The following SYT1 variants were observed in gnomAD, a reference collection of about 807,000 sequenced individuals.
SYT1 encodes the protein synaptotagmin-1.
SYT1 carries 8 observed loss-of-function variants against 44.8 expected under a neutral mutation model. The ratio of observed to expected loss-of-function variants is 0.18; its 90% CI spans 0.10 to 0.32. The LOEUF (loss-of-function observed/expected upper bound fraction) is 0.32, where lower values mean the gene tolerates loss of function less well. SYT1 is among the 10% of genes least tolerant of loss of function. SYT1 has a pLI of 1.00. For synonymous variants in SYT1, 154 were observed against 188.8 expected (o/e 0.82, Z 1.51); for missense variants, 286 against 509.3 (o/e 0.56, Z 4.22).
intron 9 of SYT1, among the ~76,000 whole-genome samples, chr12:79,440,289 C>T (rs1249936154): frequency 6.6e-6 from 1 of 152,166 alleles, no homozygotes; most frequent in Non-Finnish European, 1.5e-5. Flanking sequence ...TGTCCCATGT[C>T]TTGCATCTAT....
intron 9 of SYT1, among the ~76,000 whole-genome samples, chr12:79,366,170 G>A (rs1883535012): frequency 6.6e-6 from 1 of 152,154 alleles, no homozygotes; most frequent in African/African-American, 2.4e-5. Context: ...AATGAAACTA[G>A]CCTAAAGGGC....
intron 10 of SYT1, among the ~76,000 whole-genome samples, chr12:79,446,393 T>A (rs1280090020): frequency 6.6e-6 from 1 of 152,110 alleles, no homozygotes; most frequent in East Asian, 1.9e-4. Flanking sequence ...AATAGAACTT[T>A]GTGATGATTG....
At chr12:78,997,592 C>CT (rs1870461963) in intron 2 of SYT1, among the ~76,000 whole-genome samples, 1 of 151,916 alleles carries the variant, frequency 6.6e-6, no homozygotes, top group Admixed American at 6.6e-5. Context: ...CTGAGGGTAT[C>CT]TTCTGCCCTC....
At chr12:79,231,626 A>T (rs1364074824) in intron 4 of SYT1, among the ~76,000 whole-genome samples, 1 of 152,228 alleles carries the variant, frequency 6.6e-6, no homozygotes, top group Non-Finnish European at 1.5e-5. Flanking sequence ...ACAATAAACT[A>T]TAATTGATTT....
At chr12:78,887,155 A>G (rs1057443076) in intron 1 of SYT1, among the ~76,000 whole-genome samples, 2 of 151,966 alleles carry the variant, frequency 1.3e-5, no homozygotes, top group African/African-American at 4.8e-5. Flanking sequence ...TTTAAAATGC[A>G]TGTTGTTTTG....
intron 4 of SYT1, among the ~76,000 whole-genome samples, chr12:79,280,692 A>G (rs1040106282): frequency 2.0e-5 from 3 of 152,098 alleles, no homozygotes; most frequent in Non-Finnish European, 4.4e-5. Context: ...ACAGCTAAAT[A>G]AATAATCAAC....
At chr12:79,045,319 C>T (rs913202957) in intron 2 of SYT1, among the ~76,000 whole-genome samples, 15 of 152,216 alleles carry the variant, frequency 9.9e-5, no homozygotes, top group African/African-American at 3.6e-4. Context: ...GATATAATCT[C>T]GTGGTGCGCC....
chr12:78,959,367 T>G (rs1322647580), intron 1 of SYT1, among the ~76,000 whole-genome samples: 3 of 152,148 alleles, frequency 2.0e-5, no homozygotes, highest in Non-Finnish European at 4.4e-5. Context: ...ACTGCAAATA[T>G]AATAGCTTAA....
intron 3 of SYT1, among the ~76,000 whole-genome samples, chr12:79,112,497 G>A (rs1221742035): frequency 6.6e-6 from 1 of 152,002 alleles, no homozygotes; most frequent in African/African-American, 2.4e-5. Context: ...TTTGAGCAGG[G>A]GAATGACATT....
At chr12:79,185,720 A>G (rs56802924) in intron 3 of SYT1, among the ~76,000 whole-genome samples, 7,310 of 152,132 alleles carry the variant, frequency 0.048, 349 homozygotes, top group East Asian at 0.12. Context: ...ACTTGAAAAT[A>G]TCCATAATTA....
chr12:79,432,512 C>A (rs1869858060), intron 9 of SYT1, among the ~76,000 whole-genome samples: 2 of 152,104 alleles, frequency 1.3e-5, no homozygotes, highest in Non-Finnish European at 2.9e-5. Flanking sequence ...TGGGAGAAAA[C>A]AACTGCATTG....
chr12:78,969,378 A>G (rs1868322342), intron 1 of SYT1, among the ~76,000 whole-genome samples: 1 of 152,164 alleles, frequency 6.6e-6, no homozygotes, highest in Non-Finnish European at 1.5e-5. Flanking sequence ...TCGGAAAAAG[A>G]CCGCAATAAA....
intron 4 of SYT1, among the ~76,000 whole-genome samples, chr12:79,223,345 G>A (rs1193144272): frequency 6.6e-6 from 1 of 152,118 alleles, no homozygotes; most frequent in Non-Finnish European, 1.5e-5. Flanking sequence ...GCCAGAGCCT[G>A]GGGCCCACTG....
In SYT1 at chr12:79,451,833, T is replaced by C. The variant is rs972370011; in HGVS notation, c.*2709T>C. On this transcript the variant is annotated 3_prime_UTR_variant, in exon 11 of 11. Transcript: ENST00000261205. ...TGTTGGGGTGTTTTCCTCTGCCATA[T>C]GGCTCGTGGCCTGCGAGCCAACTAT... 4.9e-4 allele frequency: 74 copies of C among 152,250 alleles called. No individual in the cohort carries two copies. The highest frequency in any genetic ancestry group is 1.6e-3 in the African/African-American group (67 of 41,474). 9.4% of individuals were successfully genotyped at this position (152,250 alleles called of 1,614,324 possible).
chr12:79,329,432 G>A (rs1008960655), intron 8 of SYT1, among the ~76,000 whole-genome samples: 4 of 152,182 alleles, frequency 2.6e-5, no homozygotes, highest in African/African-American at 9.7e-5. Context: ...CACTAGCTGA[G>A]CACGAAATAC....
chr12:79,283,277 TG>T (rs2138819067), intron 4 of SYT1, among the ~76,000 whole-genome samples: 1 of 152,288 alleles, frequency 6.6e-6, no homozygotes, highest in Non-Finnish European at 1.5e-5. Context: ...GAAGATCAAC[TG>T]AAGGCAAATC....
chr12:79,369,027 T>C (rs911611731), intron 9 of SYT1, among the ~76,000 whole-genome samples: 1 of 152,230 alleles, frequency 6.6e-6, no homozygotes, highest in East Asian at 1.9e-4. Context: ...CTTTGATTTG[T>C]CATTTTACTA....
chr12:79,197,566 A>T (rs1873536367), intron 3 of SYT1, among the ~76,000 whole-genome samples: 1 of 152,228 alleles, frequency 6.6e-6, no homozygotes, highest in Admixed American at 6.5e-5. Flanking sequence ...AATGCTTAAG[A>T]ATTTTACTAT....
At chr12:79,230,940 A>G (rs1211907746) in intron 4 of SYT1, among the ~76,000 whole-genome samples, 1 of 152,354 alleles carries the variant, frequency 6.6e-6, no homozygotes, top group South Asian at 2.1e-4. Flanking sequence ...AATATACTTT[A>G]AAATAGCTTT....
Sources: allele counts gnomAD v4.1 joint callset (sites outside exome capture counted in the v4.1 genomes callset), GRCh38; gene constraint gnomAD v4.1.1; transcripts MANE v1.5; gene names NCBI Gene and HGNC (gene_info 2026-07-23, HGNC 2026-07-21).